The following KCNK18 variants were observed in gnomAD, a reference collection of about 807,000 sequenced individuals.
KCNK18 encodes the protein potassium channel subfamily K member 18.
A neutral mutation model predicts 11.8 loss-of-function variants in KCNK18; 8 were observed. That is an observed-to-expected ratio of 0.68 (90% CI 0.40 to 1.22). KCNK18 has a LOEUF of 1.22. Among genes scored for constraint, KCNK18 ranks in the 50% most tolerant of loss-of-function variants. The pLI is 0.01. For missense variants in KCNK18, 442 were observed against 465.4 expected (o/e 0.95, Z 0.46); for synonymous variants, 208 against 185.8 (o/e 1.12, Z -0.97).
At position 117,207,740 on chromosome 10, in the gene KCNK18, C is replaced by A. The variant is rs533902582; in HGVS notation, c.353-1757C>A. ...TAGGCAACCTGAATGCCCACCTGCT[C>A]TTGGAGGGCAGAGCCTGAGGCCAAA... On this transcript the variant is annotated intron_variant, in intron 2 of 2. Transcript: ENST00000334549. Among the ~76,000 whole-genome samples, 18 of 152,290 alleles carry A rather than the reference C, an allele frequency of 1.2e-4. No individual in the cohort carries two copies. The East Asian group carries it at 3.5e-3, about 29-fold the overall frequency.
At chr10:117,203,651 T>C (rs1855041410) in intron 2 of KCNK18, among the ~76,000 whole-genome samples, 2 of 152,238 alleles carry the variant, frequency 1.3e-5, no homozygotes, top group South Asian at 4.1e-4. Context: ...GCAATTTTCC[T>C]GTCTCGGTCT....
At position 117,210,171 on chromosome 10, in the gene KCNK18, T is replaced by C; in HGVS notation, c.1027T>C (p.Tyr343His). 4 of 1,614,166 alleles carry C rather than the reference T, an allele frequency of 2.5e-6. No homozygotes were observed. The South Asian group carries it at 3.3e-5, about 13-fold the overall frequency. Reference sequence around the variant, plus strand: ...TAACTTCTTCCTGTTCTTCTCCATTTATATCATCGTTGGAATGGAGATTGT... The same window carrying C: ...TAACTTCTTCCTGTTCTTCTCCATTCATATCATCGTTGGAATGGAGATTGT... ...HPNFFLFFSI[Y>H]IIVGMEIVFI... The change falls in exon 3 of 3, where the codon TAT becomes CAT. Residue 343 changes from tyrosine (Y) to histidine (H), a missense_variant. Tyr to His is a moderately conservative substitution (Grantham distance 83, BLOSUM62 2). Coordinates refer to ENST00000334549, the MANE Select transcript of KCNK18 (RefSeq NM_181840.1).
rs1855126877 is a variant in KCNK18, at chr10:117,210,024, A to G, written c.880A>G (p.Ile294Val). 6.2e-7 allele frequency: 1 copy of G among 1,614,052 alleles called. No individual in the cohort carries two copies. The highest frequency in any genetic ancestry group is 8.5e-7 in the Non-Finnish European group (1 of 1,180,016). The change falls in exon 3 of 3, where the codon ATT (isoleucine) becomes GTT (valine). Residue 294 changes from isoleucine (I) to valine (V), a missense_variant. Ile to Val is a conservative substitution (Grantham distance 29). Transcript: ENST00000334549. ...PIIALIVFAY[I>V]SCAAAILPFW... The stretch of plus-strand genomic sequence containing the variant: ...CATTGCCCTTATTGTTTTTGCCTAC[A>G]TTTCCTGTGCAGCTGCCATCCTCCC...
At chr10:117,199,269 G>A (rs1003572434) in intron 1 of KCNK18, among the ~76,000 whole-genome samples, 5 of 152,220 alleles carry the variant, frequency 3.3e-5, no homozygotes, top group Non-Finnish European at 5.9e-5. Flanking sequence ...ACAGTGAGCC[G>A]TGATTGTGCC....
At chr10:117,197,928 G>A (rs1854969320) in intron 1 of KCNK18, among the ~76,000 whole-genome samples, 1 of 152,136 alleles carries the variant, frequency 6.6e-6, no homozygotes, top group Admixed American at 6.5e-5. Flanking sequence ...TGTGAAGAAT[G>A]CAGGAAAGGC....
In KCNK18 at chr10:117,210,194, T is replaced by G; in HGVS notation, c.1050T>G (p.Ile350Met). ...FSIYIIVGMEIVFIAFKLVQN... is the reference protein window; with the variant it reads ...FSIYIIVGMEMVFIAFKLVQN... The stretch of plus-strand genomic sequence containing the variant: ...TTTATATCATCGTTGGAATGGAGAT[T>G]GTGTTCATTGCTTTCAAGTTGGTGC... The change falls in exon 3 of 3, where the codon ATT becomes ATG. Residue 350 changes from isoleucine to methionine, a missense_variant. By Grantham distance (10) the Ile-to-Met change is conservative (BLOSUM62 1). Coordinates refer to ENST00000334549, the MANE Select transcript of KCNK18 (RefSeq NM_181840.1). 1 of 1,614,032 alleles carries G rather than the reference T, an allele frequency of 6.2e-7. No homozygotes were observed. Among genetic ancestry groups the G allele is most frequent in the Non-Finnish European group, 8.5e-7 (1 of 1,179,872 alleles).
At chr10:117,199,177 A>G (rs1466195920) in intron 1 of KCNK18, among the ~76,000 whole-genome samples, 2 of 152,194 alleles carry the variant, frequency 1.3e-5, no homozygotes, top group African/African-American at 4.8e-5. Flanking sequence ...AAATTTAGTC[A>G]GATGAGGTGG....
Position 117,197,834 on chromosome 10 carries a change from T to C in KCNK18, c.223+123T>C. The stretch of plus-strand genomic sequence containing the variant: ...TGCCTGCCTGGATCCTCCTCATGCC[T>C]GGGCACTTTAAGCGAGTAACTTCTT... On this transcript the variant is annotated intron_variant, in intron 1 of 2. Coordinates refer to ENST00000334549, the MANE Select transcript of KCNK18 (RefSeq NM_181840.1). The C allele has an allele frequency of 5.0e-6, 4 of 802,556 alleles. No individual in the cohort carries two copies. In the South Asian group the frequency reaches 5.8e-5, roughly 12 times the overall value. 49.7% of individuals were successfully genotyped at this position (802,556 alleles called of 1,614,324 possible).
chr10:117,202,661 G>T (rs1032713712), intron 2 of KCNK18, among the ~76,000 whole-genome samples: 2 of 152,132 alleles, frequency 1.3e-5, no homozygotes, highest in African/African-American at 4.8e-5. Context: ...CCTCCCAGCC[G>T]CCTCTAAGCT....
In KCNK18 at chr10:117,210,270, G is replaced by C; in HGVS notation, c.1126G>C (p.Gly376Arg). The C allele has an allele frequency of 6.2e-7, 1 of 1,613,988 alleles. No individual in the cohort carries two copies. The highest frequency in any genetic ancestry group is 1.1e-5 in the South Asian group (1 of 91,086). The change falls in exon 3 of 3, where the codon GGG becomes CGG. Residue 376 changes from glycine to arginine, a missense_variant. Gly to Arg is a moderately radical substitution (Grantham distance 125). Coordinates refer to ENST00000334549, the MANE Select transcript of KCNK18 (RefSeq NM_181840.1). The part of the protein sequence containing the change: ...YKNVMLFFAK[G>R]KFYHLVKK Reference sequence around the variant, plus strand: ...AAATGTTATGCTATTCTTTGCAAAAGGGAAGTTTTACCACCTTGTTAAAAA... The same window carrying C: ...AAATGTTATGCTATTCTTTGCAAAACGGAAGTTTTACCACCTTGTTAAAAA...
rs363358 is a variant in KCNK18, at chr10:117,205,098, T to A, written c.352+3811T>A. Among the ~76,000 whole-genome samples, 116 of 152,248 alleles carry A rather than the reference T, an allele frequency of 7.6e-4. 2 individuals are homozygous for A. In the South Asian group the frequency reaches 0.023, roughly 30 times the overall value. On this transcript the variant is annotated intron_variant, in intron 2 of 2. Coordinates refer to ENST00000334549, the MANE Select transcript of KCNK18 (RefSeq NM_181840.1). ...CTGCTTCCTGCCCTGCATCTCTGGG[T>A]CATCTGAAATGCACCTGGCCTTAAT...
rs1010055092 is a variant in KCNK18, at chr10:117,208,446, TA to T, written c.353-1043del. On this transcript the variant is annotated intron_variant, in intron 2 of 2. Coordinates refer to ENST00000334549, the MANE Select transcript of KCNK18 (RefSeq NM_181840.1). Reference sequence around the variant, plus strand: ...GGTATTGTCATCCCCATCTTACAGATAAAAAAAACCTGAAAATATGAGCAGT... The same window carrying T: ...GGTATTGTCATCCCCATCTTACAGATAAAAAAACCTGAAAATATGAGCAGT... Among the ~76,000 whole-genome samples the T allele has an allele frequency of 5.3e-5, 8 of 152,006 alleles. No homozygotes were observed. The East Asian group carries it at 7.7e-4, about 15-fold the overall frequency.
In KCNK18 at chr10:117,208,834, G is replaced by A. The variant is rs113265375; in HGVS notation, c.353-663G>A. Among the ~76,000 whole-genome samples the A allele has an allele frequency of 6.5e-3, 976 of 149,822 alleles. 11 individuals are homozygous for A. Among genetic ancestry groups the A allele is most frequent in the Middle Eastern group, 0.031 (9 of 288 alleles). On this transcript the variant is annotated intron_variant, in intron 2 of 2. Transcript: ENST00000334549. ...TGGCTCACTGCAACCTCCACCTCCC[G>A]GCTTCAAGTGATTCTCCTGCCTCAA...
chr10:117,201,118 C>G (rs1448085143), intron 1 of KCNK18, 41 bp from the exon 2 acceptor site: 1 of 1,613,364 alleles, frequency 6.2e-7, no homozygotes, highest in Non-Finnish European at 8.5e-7. Context: ...TCTTTACCAG[C>G]AGAACCTTTT....
At chr10:117,201,828 G>A (rs891772752) in intron 2 of KCNK18, among the ~76,000 whole-genome samples, 1 of 152,266 alleles carries the variant, frequency 6.6e-6, no homozygotes, top group Non-Finnish European at 1.5e-5. Context: ...CTCCTGGGCT[G>A]GGGGCGTGAT....
In KCNK18 at chr10:117,209,764, A is replaced by C. The variant is rs1232173800; in HGVS notation, c.620A>C (p.Glu207Ala). 1 of 1,614,066 alleles carries C rather than the reference A, an allele frequency of 6.2e-7. No homozygotes were observed. The highest frequency in any genetic ancestry group is 8.5e-7 in the Non-Finnish European group (1 of 1,180,044). The change falls in exon 3 of 3, where the codon GAA becomes GCA. Residue 207 changes from glutamate to alanine, a missense_variant. Coordinates refer to ENST00000334549, the MANE Select transcript of KCNK18 (RefSeq NM_181840.1). ...EAVPQIIISAEELPGPKLGTC... is the reference protein window; with the variant it reads ...EAVPQIIISAAELPGPKLGTC... ...GTCCCTCAGATCATCATCAGTGCTG[A>C]AGAGCTTCCAGGCCCCAAACTTGGC...
chr10:117,210,193 T>C lies in KCNK18; in HGVS notation c.1049T>C (p.Ile350Thr). 2.5e-6 allele frequency: 4 copies of C among 1,613,994 alleles called. No individual in the cohort carries two copies. Among genetic ancestry groups the C allele is most frequent in the Non-Finnish European group, 3.4e-6 (4 of 1,179,848 alleles). ...FSIYIIVGME[I>T]VFIAFKLVQN... ...ATTTATATCATCGTTGGAATGGAGA[T>C]TGTGTTCATTGCTTTCAAGTTGGTG... Residue 350 changes from isoleucine to threonine, a missense_variant, in exon 3 of 3, where the codon ATT (isoleucine) becomes ACT (threonine). Coordinates refer to ENST00000334549, the MANE Select transcript of KCNK18 (RefSeq NM_181840.1).
Position 117,209,625 on chromosome 10 carries a change from A to G in KCNK18, c.481A>G (p.Thr161Ala), listed in dbSNP as rs764017425. The change falls in exon 3 of 3, where the codon ACA becomes GCA. Residue 161 changes from threonine to alanine, a missense_variant. By Grantham distance (58) the Thr-to-Ala change is moderately conservative (BLOSUM62 0). Transcript: ENST00000334549. ...CGACATCCTGGCAACCATCTTATCT[A>G]CATCTTATAATCGGTTCCGAAAATT... ...TGDILATILS[T>A]SYNRFRKFPF... The G allele has an allele frequency of 6.2e-7, 1 of 1,613,906 alleles. No homozygotes were observed. Among genetic ancestry groups the G allele is most frequent in the Non-Finnish European group, 8.5e-7 (1 of 1,180,014 alleles).
intron 2 of KCNK18, among the ~76,000 whole-genome samples, chr10:117,208,026 G>A (rs1359928354): frequency 1.3e-5 from 2 of 152,184 alleles, no homozygotes; most frequent in Non-Finnish European, 2.9e-5. Context: ...GCAAGGGGAG[G>A]GGAGGGGCTC....
Sources: gnomAD v4.1 joint callset for allele counts (sites outside exome capture counted in the v4.1 genomes callset) on GRCh38, gnomAD v4.1.1 for gene constraint, MANE v1.5 for transcripts, NCBI Gene and HGNC (gene_info 2026-07-23, HGNC 2026-07-21) for gene names.